MRAS: variants seen among roughly 807,000 people sequenced by gnomAD.
MRAS encodes the protein muscle RAS oncogene homolog, also known as ras-related protein M-Ras.
MRAS carries 4 observed loss-of-function variants against 20.9 expected under a neutral mutation model. The ratio of observed to expected loss-of-function variants is 0.19; its 90% CI spans 0.09 to 0.44. The LOEUF is 0.44. Among genes scored for constraint, MRAS ranks in the 20% least tolerant of loss-of-function variants. MRAS has a pLI of 0.99. For missense variants in MRAS, 154 were observed against 277.5 expected (o/e 0.56, Z 3.16); for synonymous variants, 98 against 102.9 (o/e 0.95, Z 0.29).
In MRAS at chr3:138,403,232, T is replaced by A. The variant is rs971571090; in HGVS notation, c.*963T>A. The A allele has an allele frequency of 6.6e-5, 10 of 152,248 alleles. No homozygotes were observed. The highest frequency in any genetic ancestry group is 2.4e-4 in the African/African-American group (10 of 41,452). The allele number at this position is 152,248 out of a possible 1,614,324, so 9.4% of individuals were successfully genotyped here. A position where few individuals can be genotyped will look rare whatever the true frequency, so the allele number is the denominator to read the frequency against. ...AGGCTCTGGGTTTCTCAGATCTGTCTCTTGCTGCGTTTTCACATCAGCTGT... is the reference window on the plus strand; with the variant it reads ...AGGCTCTGGGTTTCTCAGATCTGTCACTTGCTGCGTTTTCACATCAGCTGT... On this transcript the variant is annotated 3_prime_UTR_variant, in exon 6 of 6. Transcript: ENST00000423968.
At chr3:138,357,803 A>T (rs906771995) in intron 1 of MRAS, among the ~76,000 whole-genome samples, 15 of 152,188 alleles carry the variant, frequency 9.9e-5, no homozygotes, top group Non-Finnish European at 4.4e-5. Flanking sequence ...AGTTGTCTGC[A>T]GCCCAGATCA....
At chr3:138,368,271 T>A (rs183026056) in intron 1 of MRAS, among the ~76,000 whole-genome samples, 127 of 151,552 alleles carry the variant, frequency 8.4e-4, no homozygotes, top group African/African-American at 2.8e-3. Context: ...TGAGAGAGAG[T>A]GTGTGTGTGT....
rs535579339 is a variant in MRAS, at chr3:138,366,509, G to A, written c.-18-6357G>A. Among the ~76,000 whole-genome samples, 4 of 152,334 alleles carry A rather than the reference G, an allele frequency of 2.6e-5. No homozygotes were observed. The South Asian group carries it at 8.3e-4, about 32-fold the overall frequency. On this transcript the variant is annotated intron_variant, in intron 1 of 5. Coordinates refer to ENST00000423968, the MANE Select transcript of MRAS (RefSeq NM_001085049.3). ...AAATACCAAACCTTCAATAAAGTTGGCAGCATCTTTGGGAGAGCCTCTGGA... is the reference window on the plus strand; with the variant it reads ...AAATACCAAACCTTCAATAAAGTTGACAGCATCTTTGGGAGAGCCTCTGGA...
chr3:138,350,141 G>A (rs1439102944), intron 1 of MRAS: 1 of 152,178 alleles, frequency 6.6e-6, no homozygotes, highest in Non-Finnish European at 1.5e-5. Context: ...TAACTGACTC[G>A]TGTCAGAAGC....
At chr3:138,395,203 G>A (rs1292095109) in intron 2 of MRAS, among the ~76,000 whole-genome samples, 1 of 151,948 alleles carries the variant, frequency 6.6e-6, no homozygotes, top group Non-Finnish European at 1.5e-5. Flanking sequence ...ACCATGCCTG[G>A]CTAATTTTTG....
intron 1 of MRAS, among the ~76,000 whole-genome samples, chr3:138,362,905 C>T (rs554249438): frequency 1.2e-3 from 183 of 152,280 alleles, no homozygotes; most frequent in African/African-American, 3.9e-3. Flanking sequence ...TGCACACATA[C>T]ACACTCCACA....
intron 1 of MRAS, among the ~76,000 whole-genome samples, chr3:138,351,535 ACT>A (rs1308270090): frequency 1.3e-5 from 2 of 152,112 alleles, no homozygotes; most frequent in South Asian, 2.1e-4. Flanking sequence ...TTCTTGCTGG[ACT>A]CTGAGTCCCT....
At chr3:138,373,155 G>T (rs1282510438) in intron 2 of MRAS, 79 bp downstream of exon 2, 3 of 1,236,670 alleles carry the variant, frequency 2.4e-6, no homozygotes, top group Non-Finnish European at 3.2e-6. Flanking sequence ...GTTTCAGTGG[G>T]GCAAGATGGT....
At chr3:138,363,982 A>T (rs191233941) in intron 1 of MRAS, among the ~76,000 whole-genome samples, 13 of 152,266 alleles carry the variant, frequency 8.5e-5, no homozygotes, top group Admixed American at 7.2e-4. Flanking sequence ...GCAACTCCTG[A>T]ATACTGGAGA....
At chr3:138,383,026 T>C (rs1258881833) in intron 2 of MRAS, among the ~76,000 whole-genome samples, 1 of 152,174 alleles carries the variant, frequency 6.6e-6, no homozygotes, top group Non-Finnish European at 1.5e-5. Context: ...CCTCCTCCCT[T>C]TGGGCTGCCT....
chr3:138,402,511 C>G lies in MRAS; in HGVS notation c.*242C>G. On this transcript the variant is annotated 3_prime_UTR_variant, in exon 6 of 6. Transcript: ENST00000423968. ...AAGCAGAAGCAGCATCCAAGTGCCC[C>G]TGGCCCCCCCATGTGTTGATTCAAC... is the stretch of plus-strand genomic sequence containing the variant. The G allele has an allele frequency of 4.3e-6, 2 of 459,784 alleles. No individual in the cohort carries two copies. Among genetic ancestry groups the G allele is most frequent in the African/African-American group, 2.0e-5 (1 of 50,848 alleles). The allele number at this position is 459,784 out of a possible 1,614,324, so 28.5% of individuals were successfully genotyped here. A position where few individuals can be genotyped will look rare whatever the true frequency, so the allele number is the denominator to read the frequency against.
chr3:138,350,171 T>C (rs937887711), intron 1 of MRAS: 1 of 152,240 alleles, frequency 6.6e-6, no homozygotes, highest in African/African-American at 2.4e-5. Context: ...AACAAAGCAC[T>C]TTCTCGGATA....
At chr3:138,357,235 C>G (rs895747953) in intron 1 of MRAS, among the ~76,000 whole-genome samples, 3 of 150,130 alleles carry the variant, frequency 2.0e-5, no homozygotes, top group African/African-American at 7.6e-5. Flanking sequence ...TTGCCCCAAG[C>G]GGGGCCTCTG....
At chr3:138,384,524 T>C (rs1345451758) in intron 2 of MRAS, among the ~76,000 whole-genome samples, 1 of 152,112 alleles carries the variant, frequency 6.6e-6, no homozygotes, top group Non-Finnish European at 1.5e-5. Context: ...TTATCAAGAT[T>C]AGGAAGAACA....
intron 2 of MRAS, among the ~76,000 whole-genome samples, chr3:138,381,237 C>T (rs1181258963): frequency 6.6e-6 from 1 of 152,224 alleles, no homozygotes; most frequent in Non-Finnish European, 1.5e-5. Flanking sequence ...TGCTTTCCTT[C>T]TTTCGTCTTA....
chr3:138,352,988 G>C (rs923294669), intron 1 of MRAS, among the ~76,000 whole-genome samples: 4 of 152,094 alleles, frequency 2.6e-5, no homozygotes, highest in Admixed American at 2.6e-4. Flanking sequence ...GAAGAATGAA[G>C]ACCACTACCA....
chr3:138,401,319 C>A (rs1266160991), intron 5 of MRAS, among the ~76,000 whole-genome samples: 1 of 152,174 alleles, frequency 6.6e-6, no homozygotes, highest in Admixed American at 6.5e-5. Context: ...ATGCTGGCAC[C>A]TCCAAGGGCT....
chr3:138,371,540 A>T (rs1343649485), intron 1 of MRAS, among the ~76,000 whole-genome samples: 1 of 152,144 alleles, frequency 6.6e-6, no homozygotes, highest in Non-Finnish European at 1.5e-5. Context: ...TCTCTGTGAG[A>T]CCATCGGTTT....
chr3:138,404,622 G>C lies in MRAS; in HGVS notation c.*2353G>C, dbSNP rs1332308442. The C allele has an allele frequency of 6.6e-6, 1 of 152,198 alleles. No individual in the cohort carries two copies. The highest frequency in any genetic ancestry group is 1.5e-5 in the Non-Finnish European group (1 of 68,050). The allele number at this position is 152,198 out of a possible 1,614,324, so 9.4% of individuals were successfully genotyped here. ...TTGGTCTTCTGTATCCTCTGCTGTT[G>C]AGCCTCTGGTAAGCTTTCATCTCCC... On this transcript the variant is annotated 3_prime_UTR_variant, in exon 6 of 6. Coordinates refer to ENST00000423968, the MANE Select transcript of MRAS (RefSeq NM_001085049.3).
Sources: allele counts gnomAD v4.1 joint callset (sites outside exome capture counted in the v4.1 genomes callset), GRCh38; gene constraint gnomAD v4.1.1; transcripts MANE v1.5; gene names NCBI Gene and HGNC (gene_info 2026-07-23, HGNC 2026-07-21).